The following ITM2A variants were observed in gnomAD, a reference collection of about 807,000 sequenced individuals.
ITM2A encodes integral membrane protein 2A.
In ITM2A, 11 loss-of-function variants were observed where a neutral mutation model predicts 16.6. That is an observed-to-expected ratio of 0.66 (90% confidence interval 0.42 to 1.10). The LOEUF (loss-of-function observed/expected upper bound fraction) is 1.10. Ranked by LOEUF, ITM2A falls within the 50% of genes least tolerant of loss-of-function variation. The pLI is 0.00. For missense variants in ITM2A, 243 were observed against 206.8 expected, an observed-to-expected ratio of 1.17 and a Z score of -1.07; for synonymous variants, 102 against 71.2, an observed-to-expected ratio of 1.43 and a Z score of -2.18.
Position 79,367,193 on chromosome X carries a change from G to T in ITM2A, c.23C>A (p.Thr8Asn), listed in dbSNP as rs756371152. The T allele has an allele frequency of 7.5e-6, 9 of 1,206,538 alleles. No individual in the cohort carries two copies. The East Asian group carries it at 2.7e-4, about 36-fold the overall frequency. The change falls in exon 1 of 6, where the codon ACC (threonine) becomes AAC (asparagine). Residue 8 changes from threonine (T) to asparagine (N), a missense_variant. Coordinates refer to ENST00000373298, the MANE Select transcript of ITM2A (RefSeq NM_004867.5). ...CTCCTCCTTTTGCACGGCGGTAGGG[G>T]TATTGAAGGCGATTTTCACCATAGT... is the stretch of plus-strand genomic sequence containing the variant. MVKIAFN[T>N]PTAVQKEEAR...
chrX:79,366,837 C>G, intron 1 of ITM2A: 1 of 303,410 alleles, frequency 3.3e-6, no homozygotes, highest in Non-Finnish European at 5.7e-6. Flanking sequence ...CCCAGGGCAT[C>G]TCCTCAAACT....
chrX:79,363,126 C>A lies in ITM2A; in HGVS notation c.257G>T (p.Arg86Leu), dbSNP rs753512845. The change falls in exon 3 of 6, where the codon CGT becomes CTT. Residue 86 changes from arginine to leucine, a missense_variant. Transcript: ENST00000373298. Reference sequence around the variant, plus strand: ...AGAATCAAAAAAGCACATCTCTCCACGGTAAATGGTGCTCTAAAAGACAAA... The same window carrying A: ...AGAATCAAAAAAGCACATCTCTCCAAGGTAAATGGTGCTCTAAAAGACAAA... ...KYFMPKSTIY[R>L]GEMCFFDSED... The A allele has an allele frequency of 8.3e-7, 1 of 1,202,056 alleles. No individual in the cohort carries two copies. The highest frequency in any genetic ancestry group is 1.8e-5 in the African/African-American group (1 of 56,898).
At position 79,367,133 on chromosome X, in the gene ITM2A, G is replaced by T. The variant is rs374837340; in HGVS notation, c.83C>A (p.Thr28Lys). 5 of 1,203,358 alleles carry T rather than the reference G, an allele frequency of 4.2e-6. No homozygotes were observed. Among genetic ancestry groups the T allele is most frequent in the Admixed American group, 2.2e-5 (1 of 45,669 alleles). ...RQDVEALLSR[T>K]VRTQILTGKE... Reference sequence around the variant, plus strand: ...GCCGGTCAGTATCTGAGTTCTGACCGTGCGGCTCAGGAGGGCCTCCACGTC... The same window carrying T: ...GCCGGTCAGTATCTGAGTTCTGACCTTGCGGCTCAGGAGGGCCTCCACGTC... Residue 28 changes from threonine to lysine, a missense_variant, in exon 1 of 6, where the codon ACG (threonine) becomes AAG (lysine). Physicochemically the swap from Thr to Lys is moderately conservative, Grantham distance 78 (BLOSUM62 -1). Transcript: ENST00000373298.
At chrX:79,366,560 A>C (rs1365460732) in intron 1 of ITM2A, among the ~76,000 whole-genome samples, 1 of 111,274 alleles carries the variant, frequency 9.0e-6, no homozygotes, top group Non-Finnish European at 1.9e-5. Context: ...CACTTGCCCC[A>C]ACCCATACTG....
rs965105761 is a variant in ITM2A, at chrX:79,360,544, C to T, written c.*545G>A. 3.6e-5 allele frequency: 4 copies of T among 111,352 alleles called. No individual in the cohort carries two copies. The highest frequency in any genetic ancestry group is 7.6e-5 in the Non-Finnish European group (4 of 52,940). The allele number at this position is 111,352 out of a possible 1,213,427, so 9.2% of individuals were successfully genotyped here. Reference sequence around the variant, plus strand: ...ATGACTGTCTCATGAAAATTGTTCACATATAAGTCAGGTTAATTACAGAGC... The same window carrying T: ...ATGACTGTCTCATGAAAATTGTTCATATATAAGTCAGGTTAATTACAGAGC... On this transcript the variant is annotated 3_prime_UTR_variant, in exon 6 of 6. Coordinates refer to ENST00000373298, the MANE Select transcript of ITM2A (RefSeq NM_004867.5).
Position 79,363,783 on chromosome X carries a change from G to T in ITM2A, c.112-229C>A, listed in dbSNP as rs140358548. Among the ~76,000 whole-genome samples the T allele has an allele frequency of 2.7e-5, 3 of 111,360 alleles. No homozygotes were observed. The East Asian group carries it at 8.3e-4, about 31-fold the overall frequency. On this transcript the variant is annotated intron_variant, in intron 1 of 5. Transcript: ENST00000373298. ...TTTGGCATTTCTAAACCCAAATATC[G>T]ATATGAAATTATTTCAAAATACATG...
rs1302670267 is a variant in ITM2A at position 79,366,858 on chromosome X, T to C, written c.111+247A>G. ...GCATCTCCTCAAACTCTCTCTGACCTCCCTCCAGGACAGCTGGTGTGAGCT... is the reference window on the plus strand; with the variant it reads ...GCATCTCCTCAAACTCTCTCTGACCCCCCTCCAGGACAGCTGGTGTGAGCT... On this transcript the variant is annotated intron_variant, in intron 1 of 5. Transcript: ENST00000373298. The C allele has an allele frequency of 2.9e-5, 10 of 341,837 alleles. No individual in the cohort carries two copies. The East Asian group carries it at 5.4e-4, about 18-fold the overall frequency. The allele number at this position is 341,837 out of a possible 1,213,427, so 28.2% of individuals were successfully genotyped here.
At chrX:79,362,323 T>A (rs1226846908) in intron 4 of ITM2A, among the ~76,000 whole-genome samples, 1 of 111,599 alleles carries the variant, frequency 9.0e-6, no homozygotes, top group African/African-American at 3.3e-5. Flanking sequence ...CGCATGTATG[T>A]CTTCTTTTGG....
At chrX:79,363,242 C>G in intron 2 of ITM2A, 103 bp from the exon 3 acceptor site, 1 of 800,149 alleles carries the variant, frequency 1.2e-6, no homozygotes, top group Admixed American at 3.0e-5. Flanking sequence ...TGTGTTAAGC[C>G]GAGGCTTGTT....
At chrX:79,364,225 G>A (rs1423257119) in intron 1 of ITM2A, among the ~76,000 whole-genome samples, 1 of 112,019 alleles carries the variant, frequency 8.9e-6, no homozygotes, top group Non-Finnish European at 1.9e-5. Flanking sequence ...ATTGAAGGGA[G>A]AGATATAAAT....
chrX:79,363,169 T>A, intron 2 of ITM2A, 30 bp from the exon 3 acceptor site: 2 of 1,082,628 alleles, frequency 1.8e-6, no homozygotes, highest in Non-Finnish European at 2.5e-6. Context: ...AATTACAACC[T>A]TCTAATAATC....
Position 79,367,133 on chromosome X carries a change from G to C in ITM2A, c.83C>G (p.Thr28Arg), listed in dbSNP as rs374837340. 1.8e-5 allele frequency: 22 copies of C among 1,203,361 alleles called. No individual in the cohort carries two copies. The highest frequency in any genetic ancestry group is 2.4e-5 in the Non-Finnish European group (21 of 890,738). ...RQDVEALLSR[T>R]VRTQILTGKE... Reference sequence around the variant, plus strand: ...GCCGGTCAGTATCTGAGTTCTGACCGTGCGGCTCAGGAGGGCCTCCACGTC... The same window carrying C: ...GCCGGTCAGTATCTGAGTTCTGACCCTGCGGCTCAGGAGGGCCTCCACGTC... Residue 28 changes from threonine (T) to arginine (R), a missense_variant, in exon 1 of 6, where the codon ACG becomes AGG. By Grantham distance (71) the Thr-to-Arg change is moderately conservative (BLOSUM62 -1). Transcript: ENST00000373298.
In ITM2A at chrX:79,361,343, C is replaced by A; in HGVS notation, c.689G>T (p.Arg230Ile). Reference protein sequence around the residue: ...NNRKSFRLRRRDLLLGFNKRA... With the variant: ...NNRKSFRLRRIDLLLGFNKRA... Reference sequence around the variant, plus strand: ...TAGTTACTTACCCAGCAAGAGGTCTCTGCGACGAAGGCGGAAGGACTTTCT... The same window carrying A: ...TAGTTACTTACCCAGCAAGAGGTCTATGCGACGAAGGCGGAAGGACTTTCT... Residue 230 changes from arginine (R) to isoleucine (I), a missense_variant, in exon 5 of 6, where the codon AGA becomes ATA. Coordinates refer to ENST00000373298, the MANE Select transcript of ITM2A (RefSeq NM_004867.5). 8.3e-7 allele frequency: 1 copy of A among 1,209,505 alleles called. No homozygotes were observed. The highest frequency in any genetic ancestry group is 1.1e-6 in the Non-Finnish European group (1 of 893,812).
At position 79,363,468 on chromosome X, in the gene ITM2A, T is replaced by G; in HGVS notation, c.198A>C (p.Gly66=). 1.7e-6 allele frequency: 2 copies of G among 1,183,332 alleles called. No individual in the cohort carries two copies. The highest frequency in any genetic ancestry group is 2.3e-6 in the Non-Finnish European group (2 of 874,903). ...TLLGLSFILA[G]LIVGGACIYK... ...AAATGCAGGCTCCACCAACAATAAGTCCTGCCAAGATGAATGAAAGGCCTA... is the reference window on the plus strand; with the variant it reads ...AAATGCAGGCTCCACCAACAATAAGGCCTGCCAAGATGAATGAAAGGCCTA... Residue 66 remains glycine (G), a synonymous_variant, in exon 2 of 6, where the codon GGA becomes GGC. Transcript: ENST00000373298.
At position 79,361,057 on chromosome X, in the gene ITM2A, C is replaced by G; in HGVS notation, c.*32G>C. ...AAGTCATATTGTAAATCTCTGACTT[C>G]TTATTACCAAGGACACTCTATCTGT... On this transcript the variant is annotated 3_prime_UTR_variant, in exon 6 of 6. Transcript: ENST00000373298. The G allele has an allele frequency of 2.2e-6, 2 of 905,016 alleles. No homozygotes were observed. The highest frequency in any genetic ancestry group is 3.2e-6 in the Non-Finnish European group (2 of 630,814). 74.6% of individuals were successfully genotyped at this position (905,016 alleles called of 1,213,427 possible).
rs1244704552 is a variant in ITM2A, at chrX:79,367,257, G to C, written c.-42C>G. Reference sequence around the variant, plus strand: ...GCGCGGTAAGGCGCTGCTGGAATCAGCGTCCTGGGCTGCAGACTGCAAGAG... The same window carrying C: ...GCGCGGTAAGGCGCTGCTGGAATCACCGTCCTGGGCTGCAGACTGCAAGAG... On this transcript the variant is annotated 5_prime_UTR_variant, in exon 1 of 6. Coordinates refer to ENST00000373298, the MANE Select transcript of ITM2A (RefSeq NM_004867.5). 1.1e-6 allele frequency: 1 copy of C among 944,812 alleles called. No homozygotes were observed. The highest frequency in any genetic ancestry group is 2.4e-5 in the Admixed American group (1 of 41,774). The allele number at this position is 944,812 out of a possible 1,213,427, so 77.9% of individuals were successfully genotyped here.
chrX:79,362,885 AAAAG>A, intron 3 of ITM2A, 53 bp downstream of exon 3: 2 of 956,638 alleles, frequency 2.1e-6, no homozygotes, highest in Non-Finnish European at 3.0e-6. Flanking sequence ...AATGAAGTAA[AAAAG>A]AGAGAGAGAG....
At chrX:79,363,945 G>A (rs1925504745) in intron 1 of ITM2A, among the ~76,000 whole-genome samples, 1 of 111,793 alleles carries the variant, frequency 8.9e-6, no homozygotes, top group Non-Finnish European at 1.9e-5. Context: ...TAGGCACAAT[G>A]CAGTAGAGCC....
At chrX:79,366,913 G>A (rs1925594324) in intron 1 of ITM2A, 192 bp downstream of exon 1, 1 of 412,796 alleles carries the variant, frequency 2.4e-6, no homozygotes, top group African/African-American at 2.5e-5. Context: ...ACGACACGCG[G>A]GAATGCAGAG....
Sources: gnomAD v4.1 joint callset for allele counts (sites outside exome capture counted in the v4.1 genomes callset) on GRCh38, gnomAD v4.1.1 for gene constraint, MANE v1.5 for transcripts, NCBI Gene and HGNC (gene_info 2026-07-23, HGNC 2026-07-21) for gene names.